Variants in PPM1L observed in about 807,000 individuals in gnomAD.
PPM1L encodes protein phosphatase, Mg2+/Mn2+ dependent 1L, also known as protein phosphatase 1L.
PPM1L carries 13 observed loss-of-function variants against 31.4 expected under a neutral mutation model. The ratio of observed to expected loss-of-function variants is 0.41; its 90% CI spans 0.27 to 0.66. The LOEUF is 0.66. PPM1L is among the 30% of genes least tolerant of loss of function. The pLI, the probability that PPM1L is intolerant of heterozygous loss-of-function variation, is 0.29. For missense variants in PPM1L, 326 were observed against 453.7 expected, an observed-to-expected ratio of 0.72 and a Z score of 2.56; for synonymous variants, 184 against 175.4, an observed-to-expected ratio of 1.05 and a Z score of -0.39.
At chr3:161,053,344 C>T (rs1719328671) in intron 2 of PPM1L, among the ~76,000 whole-genome samples, 1 of 152,126 alleles carries the variant, frequency 6.6e-6, no homozygotes, top group African/African-American at 2.4e-5. Flanking sequence ...TATGAAGCCT[C>T]CTGCAGCAAG....
At chr3:161,002,447 C>G (rs1338729634) in intron 2 of PPM1L, among the ~76,000 whole-genome samples, 6 of 152,118 alleles carry the variant, frequency 3.9e-5, no homozygotes, top group Non-Finnish European at 8.8e-5. Context: ...AGTTTACAGT[C>G]CCACCAACAG....
At chr3:160,912,217 T>C (rs1466313134) in intron 1 of PPM1L, among the ~76,000 whole-genome samples, 2 of 152,154 alleles carry the variant, frequency 1.3e-5, no homozygotes, top group African/African-American at 4.8e-5. Context: ...AACCTTTCTG[T>C]GAGCTTTCCC....
intron 1 of PPM1L, among the ~76,000 whole-genome samples, chr3:160,958,965 A>G (rs1287569202): frequency 6.6e-6 from 1 of 152,182 alleles, no homozygotes; most frequent in Non-Finnish European, 1.5e-5. Context: ...CCAAAGGAAA[A>G]TAAGTTATTA....
Position 160,803,495 on chromosome 3 carries a change from C to T in PPM1L, c.399+46788C>T, listed in dbSNP as rs540373173. 3.1e-5 allele frequency among the ~76,000 whole-genome samples: 3 copies of T among 98,050 alleles called. 1 individual carries two copies. Among genetic ancestry groups the T allele is most frequent in the African/African-American group, 1.4e-4 (2 of 13,878 alleles). The allele number at this position is 98,050 out of a possible 152,430, so 64.3% of individuals were successfully genotyped here. On this transcript the variant is annotated intron_variant, in intron 1 of 3. Coordinates refer to ENST00000498165, the MANE Select transcript of PPM1L (RefSeq NM_139245.4). ...ATATATGTAGACATGCCTTATGGCTCCACTTAGAAATGTCATATTTTAGAG... is the reference window on the plus strand; with the variant it reads ...ATATATGTAGACATGCCTTATGGCTTCACTTAGAAATGTCATATTTTAGAG...
rs376531936 is a variant in PPM1L at position 160,856,810 on chromosome 3, T to TA, written c.399+100115dup. Among the ~76,000 whole-genome samples the TA allele has an allele frequency of 6.3e-3, 901 of 141,932 alleles. 7 individuals are homozygous for TA. The highest frequency in any genetic ancestry group is 0.018 in the African/African-American group (710 of 38,810). The allele number at this position is 141,932 out of a possible 152,430, so 93.1% of individuals were successfully genotyped here. A position where few individuals can be genotyped will look rare whatever the true frequency, so the allele number is the denominator to read the frequency against. On this transcript the variant is annotated intron_variant, in intron 1 of 3. Transcript: ENST00000498165. ...GTGTACCCTGAACTACAATAAAAGC[T>TA]AAAAAAAAAAAAGAAATTCAGATTT...
At chr3:160,943,169 G>T (rs571399383) in intron 1 of PPM1L, among the ~76,000 whole-genome samples, 1 of 152,126 alleles carries the variant, frequency 6.6e-6, no homozygotes. Flanking sequence ...TTCTCACAGC[G>T]ATCAGGGTAA....
intron 1 of PPM1L, among the ~76,000 whole-genome samples, chr3:160,778,943 T>C (rs1711652712): frequency 6.6e-6 from 1 of 152,218 alleles, no homozygotes; most frequent in Non-Finnish European, 1.5e-5. Flanking sequence ...ATTTCTTTTT[T>C]ACCTTTTTGT....
chr3:160,993,432 A>G (rs1306558957), intron 2 of PPM1L, among the ~76,000 whole-genome samples: 3 of 152,222 alleles, frequency 2.0e-5, no homozygotes, highest in Admixed American at 2.0e-4. Flanking sequence ...GAGCTGAACT[A>G]CAATCTTTCA....
chr3:160,780,030 T>G (rs1297179972), intron 1 of PPM1L, among the ~76,000 whole-genome samples: 1 of 152,148 alleles, frequency 6.6e-6, no homozygotes, highest in Non-Finnish European at 1.5e-5. Context: ...TGCTAGCTTT[T>G]TTTTTTTTGA....
At chr3:161,039,526 T>C (rs961975879) in intron 2 of PPM1L, among the ~76,000 whole-genome samples, 1 of 152,118 alleles carries the variant, frequency 6.6e-6, no homozygotes, top group African/African-American at 2.4e-5. Context: ...TTTTATTTTT[T>C]ATGTTTTATT....
intron 2 of PPM1L, among the ~76,000 whole-genome samples, chr3:161,028,013 C>T (rs946236943): frequency 3.9e-5 from 6 of 152,142 alleles, no homozygotes; most frequent in Admixed American, 1.3e-4. Context: ...AGTCCTTGTT[C>T]GGCCTCATGG....
At chr3:161,020,888 T>C (rs1310389202) in intron 2 of PPM1L, among the ~76,000 whole-genome samples, 1 of 152,116 alleles carries the variant, frequency 6.6e-6, no homozygotes, top group African/African-American at 2.4e-5. Context: ...TTTTATTTTA[T>C]TGATATAAAG....
At chr3:160,928,511 A>G (rs896014858) in intron 1 of PPM1L, among the ~76,000 whole-genome samples, 1 of 152,218 alleles carries the variant, frequency 6.6e-6, no homozygotes, top group Non-Finnish European at 1.5e-5. Context: ...CTGGTAGCCA[A>G]TTGCTACCTT....
At chr3:160,887,298 C>T (rs202207344) in intron 1 of PPM1L, among the ~76,000 whole-genome samples, 1 of 152,002 alleles carries the variant, frequency 6.6e-6, no homozygotes, top group Admixed American at 6.5e-5. Context: ...CAGGATACAT[C>T]CAGGAGAACT....
chr3:161,029,176 A>G (rs910406477), intron 2 of PPM1L, among the ~76,000 whole-genome samples: 2 of 152,220 alleles, frequency 1.3e-5, no homozygotes, highest in Non-Finnish European at 2.9e-5. Flanking sequence ...ACATAAGGAA[A>G]CATTTATTGA....
chr3:160,846,702 C>T (rs1160823246), intron 1 of PPM1L, among the ~76,000 whole-genome samples: 6 of 147,092 alleles, frequency 4.1e-5, no homozygotes, highest in African/African-American at 1.4e-4. Context: ...TTGTGATACT[C>T]TTGAAAAAAA....
At chr3:160,991,651 G>A (rs1473013071) in intron 2 of PPM1L, among the ~76,000 whole-genome samples, 1 of 152,050 alleles carries the variant, frequency 6.6e-6, no homozygotes, top group African/African-American at 2.4e-5. Flanking sequence ...CTTATTTTCT[G>A]TGAAGTCCTT....
At chr3:160,987,558 G>A (rs1717003743) in intron 2 of PPM1L, among the ~76,000 whole-genome samples, 1 of 152,218 alleles carries the variant, frequency 6.6e-6, no homozygotes, top group Non-Finnish European at 1.5e-5. Context: ...GGAGGTAGAA[G>A]TGAAGAGACA....
intron 2 of PPM1L, among the ~76,000 whole-genome samples, chr3:161,048,455 A>G (rs1052259522): frequency 6.6e-6 from 1 of 152,232 alleles, no homozygotes; most frequent in Non-Finnish European, 1.5e-5. Context: ...AATGTGGAGA[A>G]ATAGGAATAC....
Sources: gnomAD v4.1 joint callset for allele counts (sites outside exome capture counted in the v4.1 genomes callset) on GRCh38, gnomAD v4.1.1 for gene constraint, MANE v1.5 for transcripts, NCBI Gene and HGNC (gene_info 2026-07-23, HGNC 2026-07-21) for gene names.